Variants in KCNIP4 observed in about 807,000 individuals in gnomAD.
KCNIP4 encodes potassium voltage-gated channel interacting protein 4.
KCNIP4 carries 12 observed loss-of-function variants against 34.0 expected under a neutral mutation model. The observed-to-expected ratio is 0.35, with a 90% CI of 0.23 to 0.57. The LOEUF is 0.57. Ranked by LOEUF, KCNIP4 falls within the 20% of genes least tolerant of loss-of-function variation. The pLI is 0.83. For synonymous variants in KCNIP4, 124 were observed against 102.2 expected, an observed-to-expected ratio of 1.21 and a Z score of -1.29; for missense variants, 238 against 311.7, an observed-to-expected ratio of 0.76 and a Z score of 1.78.
intron 1 of KCNIP4, among the ~76,000 whole-genome samples, chr4:21,446,018 A>G (rs1042316280): frequency 6.6e-6 from 1 of 152,212 alleles, no homozygotes; most frequent in Non-Finnish European, 1.5e-5. Context: ...CAGACACAGG[A>G]AAAAATGCTC....
At chr4:21,307,448 T>C (rs545140254) in intron 1 of KCNIP4, among the ~76,000 whole-genome samples, 5 of 152,166 alleles carry the variant, frequency 3.3e-5, no homozygotes, top group Non-Finnish European at 7.3e-5. Context: ...TGAACCAGTG[T>C]TATTTTCCTC....
rs544746110 is a variant in KCNIP4 at position 20,731,612 on chromosome 4, G to C, written c.705+394C>G. On this transcript the variant is annotated intron_variant, in intron 8 of 8. Transcript: ENST00000382152. Reference sequence around the variant, plus strand: ...ATCAGATAGAAGCTTGGCCTGTTGTGATGCCATACTTGGCTATCTAGGAAT... The same window carrying C: ...ATCAGATAGAAGCTTGGCCTGTTGTCATGCCATACTTGGCTATCTAGGAAT... 5 of 985,074 alleles carry C rather than the reference G, an allele frequency of 5.1e-6. 1 individual carries two copies. The South Asian group carries it at 2.4e-4, about 46-fold the overall frequency. The allele number at this position is 985,074 out of a possible 1,614,324, so 61.0% of individuals were successfully genotyped here.
chr4:21,217,700 A>T (rs943095125), intron 1 of KCNIP4, among the ~76,000 whole-genome samples: 1 of 152,156 alleles, frequency 6.6e-6, no homozygotes, highest in East Asian at 1.9e-4. Context: ...GGCAAAGAGC[A>T]ATAAAATCAG....
intron 1 of KCNIP4, among the ~76,000 whole-genome samples, chr4:21,566,683 A>C (rs968602825): frequency 6.6e-6 from 1 of 152,120 alleles, no homozygotes; most frequent in Non-Finnish European, 1.5e-5. Context: ...ACACTTATAC[A>C]AGGCAGTAGA....
chr4:21,930,951 T>C (rs1336994681), intron 1 of KCNIP4, among the ~76,000 whole-genome samples: 1 of 152,200 alleles, frequency 6.6e-6, no homozygotes, highest in Admixed American at 6.5e-5. Flanking sequence ...CAGCAGACCC[T>C]GTTCTAGGCT....
chr4:21,237,831 A>C (rs2109040615), intron 1 of KCNIP4, among the ~76,000 whole-genome samples: 1 of 152,342 alleles, frequency 6.6e-6, no homozygotes, highest in South Asian at 2.1e-4. Flanking sequence ...TCCTTCTGAA[A>C]CTATTCCAAT....
rs1489601432 is a variant in KCNIP4 at position 21,820,271 on chromosome 4, GTA to G, written c.61+128298_61+128299del. On this transcript the variant is annotated intron_variant, in intron 1 of 8. Coordinates refer to ENST00000382152, the MANE Select transcript of KCNIP4 (RefSeq NM_025221.6). The stretch of plus-strand genomic sequence containing the variant: ...TATAAGATATGTATGTATATCTTAT[GTA>G]TGTGTGTGTGTGTATATATATATAT... Among the ~76,000 whole-genome samples, 38 of 104,254 alleles carry G rather than the reference GTA, an allele frequency of 3.6e-4. 2 individuals carry two copies. Among genetic ancestry groups the G allele is most frequent in the South Asian group, 1.7e-3 (5 of 2,966 alleles). 68.4% of individuals were successfully genotyped at this position (104,254 alleles called of 152,430 possible). A position where few individuals can be genotyped will look rare whatever the true frequency, so the allele number is the denominator to read the frequency against.
At chr4:20,985,447 T>C (rs1047287635) in intron 1 of KCNIP4, among the ~76,000 whole-genome samples, 2 of 152,194 alleles carry the variant, frequency 1.3e-5, no homozygotes, top group Non-Finnish European at 2.9e-5. Flanking sequence ...TGGCAGATTA[T>C]AAGTTAATTC....
rs531652789 is a variant in KCNIP4 at position 20,956,251 on chromosome 4, A to G, written c.62-73542T>C. On this transcript the variant is annotated intron_variant, in intron 1 of 8. Transcript: ENST00000382152. ...TATAAAAATGCATAATGTTTTTTAA[A>G]CGTTTTCTCTTGGGAGGCTGAGGTG... 1.1e-4 allele frequency among the ~76,000 whole-genome samples: 16 copies of G among 152,314 alleles called. No individual in the cohort carries two copies. The South Asian group carries it at 3.3e-3, about 32-fold the overall frequency.
At chr4:21,886,055 A>T (rs747253580) in intron 1 of KCNIP4, among the ~76,000 whole-genome samples, 1 of 152,142 alleles carries the variant, frequency 6.6e-6, no homozygotes, top group Non-Finnish European at 1.5e-5. Flanking sequence ...ATTATATAAT[A>T]TGTCATATTT....
chr4:20,995,399 G>C (rs770680420), intron 1 of KCNIP4, among the ~76,000 whole-genome samples: 2 of 152,100 alleles, frequency 1.3e-5, no homozygotes, highest in Non-Finnish European at 2.9e-5. Context: ...CAAACACTCT[G>C]TTTCTAAAAG....
At chr4:20,986,797 G>A (rs1299047307) in intron 1 of KCNIP4, among the ~76,000 whole-genome samples, 1 of 152,078 alleles carries the variant, frequency 6.6e-6, no homozygotes, top group Admixed American at 6.5e-5. Context: ...TTCACATAAA[G>A]TCCCATGAAT....
intron 1 of KCNIP4, among the ~76,000 whole-genome samples, chr4:21,012,482 G>A: frequency 6.6e-6 from 1 of 152,280 alleles, no homozygotes; most frequent in South Asian, 2.1e-4. Context: ...TAATCAGATT[G>A]CTTGAGCCTA....
At position 20,732,735 on chromosome 4, in the gene KCNIP4, T is replaced by C. The variant is rs527531568; in HGVS notation, c.588A>G (p.Thr196=). The part of the protein sequence containing the change: ...KAIYDMMGKC[T]YPVLKEDAPR... ...GAGCATCTTCTTTGAGGACAGGATA[T>C]GTACATTTACCCATCATATCGTATA... Residue 196 remains threonine, a synonymous_variant, in exon 7 of 9, where the codon ACA becomes ACG. Transcript: ENST00000382152. 156 of 1,613,090 alleles carry C rather than the reference T, an allele frequency of 9.7e-5. No individual in the cohort carries two copies. The East Asian group carries it at 3.4e-3, about 35-fold the overall frequency.
chr4:21,518,806 T>C (rs979883669), intron 1 of KCNIP4, among the ~76,000 whole-genome samples: 1 of 152,098 alleles, frequency 6.6e-6, no homozygotes, highest in African/African-American at 2.4e-5. Flanking sequence ...TCGGGGACAC[T>C]GAAACAGCTC....
chr4:20,896,194 C>T (rs1158360929), intron 1 of KCNIP4, among the ~76,000 whole-genome samples: 2 of 152,180 alleles, frequency 1.3e-5, no homozygotes, highest in East Asian at 1.9e-4. Flanking sequence ...TCCTCTGTTG[C>T]CTATCACACC....
chr4:21,269,955 T>C (rs1762041716), intron 1 of KCNIP4, among the ~76,000 whole-genome samples: 7 of 152,200 alleles, frequency 4.6e-5, no homozygotes, highest in Admixed American at 4.6e-4. Flanking sequence ...TCCTAAACTA[T>C]ATCTACATTA....
intron 1 of KCNIP4, among the ~76,000 whole-genome samples, chr4:20,993,732 G>A (rs540389588): frequency 3.9e-5 from 6 of 152,242 alleles, no homozygotes; most frequent in East Asian, 1.9e-4. Flanking sequence ...TTTGTTTCCC[G>A]TTGCTGCTAT....
chr4:21,666,777 A>C (rs1348667760), intron 1 of KCNIP4, among the ~76,000 whole-genome samples: 4 of 152,200 alleles, frequency 2.6e-5, no homozygotes, highest in African/African-American at 9.7e-5. Context: ...CCTTCTCTAC[A>C]TGTCCCTTCA....
Sources: gnomAD v4.1 joint callset for allele counts (sites outside exome capture counted in the v4.1 genomes callset) on GRCh38, gnomAD v4.1.1 for gene constraint, MANE v1.5 for transcripts, NCBI Gene and HGNC (gene_info 2026-07-23, HGNC 2026-07-21) for gene names.